The following XKR6 variants were observed in gnomAD, a reference collection of about 807,000 sequenced individuals.
XKR6 encodes the protein XK related 6.
Under a neutral mutation model 56.7 loss-of-function variants are expected in XKR6, and 22 were observed. That is an observed-to-expected ratio of 0.39 (90% confidence interval 0.28 to 0.55). The LOEUF (loss-of-function observed/expected upper bound fraction) is 0.55. Among genes scored for constraint, XKR6 ranks in the 20% least tolerant of loss-of-function variants. The pLI is 0.66. For synonymous variants in XKR6, 524 were observed against 387.8 expected, an observed-to-expected ratio of 1.35 and a Z score of -4.13; for missense variants, 852 against 889.0, an observed-to-expected ratio of 0.96 and a Z score of 0.53.
intron 1 of XKR6, among the ~76,000 whole-genome samples, chr8:11,178,560 A>ATATATATGTG (rs1802789934): frequency 7.1e-6 from 1 of 141,488 alleles, no homozygotes; most frequent in African/African-American, 2.6e-5. Context: ...ATATATATAT[A>ATATATATGTG]TATATATATA....
chr8:10,948,746 C>G (rs1312826708), intron 1 of XKR6, among the ~76,000 whole-genome samples: 1 of 152,228 alleles, frequency 6.6e-6, no homozygotes. Context: ...CGGCGTGTAG[C>G]TGTGGCTTAT....
intron 1 of XKR6, among the ~76,000 whole-genome samples, chr8:11,145,514 C>CTT (rs1800935266): frequency 6.6e-6 from 1 of 152,090 alleles, no homozygotes; most frequent in Admixed American, 6.5e-5. Context: ...GCAACTAAGA[C>CTT]TTAGCAAGAT....
rs118101608 is a variant in XKR6 at position 11,139,612 on chromosome 8, A to C, written c.764+60964T>G. On this transcript the variant is annotated intron_variant, in intron 1 of 2. Transcript: ENST00000416569. ...CTCCCGCTCCAAGCCAAGGCCTCAC[A>C]CTGAGGAGAAAGTGCTGGGACTGGA... Among the ~76,000 whole-genome samples the C allele has an allele frequency of 1.4e-3, 206 of 152,300 alleles. 4 individuals carry two copies. In the East Asian group the frequency reaches 0.025, roughly 18 times the overall value.
At chr8:11,089,715 T>A (rs2129172319) in intron 1 of XKR6, among the ~76,000 whole-genome samples, 1 of 152,306 alleles carries the variant, frequency 6.6e-6, no homozygotes, top group Middle Eastern at 3.4e-3. Context: ...GTACACCCAC[T>A]CAGCTTTGAC....
intron 1 of XKR6, among the ~76,000 whole-genome samples, chr8:11,180,055 T>C (rs1454639042): frequency 6.6e-6 from 1 of 151,902 alleles, no homozygotes; most frequent in African/African-American, 2.4e-5. Flanking sequence ...GGGAGAACTG[T>C]TTGAGCCTGG....
At chr8:11,084,319 C>G (rs1484466969) in intron 1 of XKR6, among the ~76,000 whole-genome samples, 1 of 152,180 alleles carries the variant, frequency 6.6e-6, no homozygotes, top group Non-Finnish European at 1.5e-5. Flanking sequence ...TTGCCACATA[C>G]GATTTCAGCC....
At chr8:11,026,118 G>A (rs1345102537) in intron 1 of XKR6, among the ~76,000 whole-genome samples, 3 of 152,124 alleles carry the variant, frequency 2.0e-5, no homozygotes, top group African/African-American at 7.2e-5. Context: ...CACAGAGTGA[G>A]TTACACATGC....
intron 1 of XKR6, among the ~76,000 whole-genome samples, chr8:11,119,153 T>A (rs1274335914): frequency 1.3e-5 from 2 of 152,122 alleles, no homozygotes; most frequent in African/African-American, 4.8e-5. Flanking sequence ...TTCTAGTTTG[T>A]TTGCACTGTG....
At chr8:10,956,123 C>T (rs1293790752) in intron 1 of XKR6, among the ~76,000 whole-genome samples, 1 of 152,170 alleles carries the variant, frequency 6.6e-6, no homozygotes, top group African/African-American at 2.4e-5. Context: ...CTTGCTGCTC[C>T]CCTTCACAGG....
intron 1 of XKR6, among the ~76,000 whole-genome samples, chr8:11,147,317 C>T (rs528776855): frequency 6.6e-6 from 1 of 152,136 alleles, no homozygotes; most frequent in South Asian, 2.1e-4. Flanking sequence ...TAATAAGAAG[C>T]CAAACAACTC....
At chr8:11,143,286 C>T (rs1800796901) in intron 1 of XKR6, among the ~76,000 whole-genome samples, 1 of 152,204 alleles carries the variant, frequency 6.6e-6, no homozygotes, top group Non-Finnish European at 1.5e-5. Context: ...AGTACTGTGC[C>T]TGTGAATAGC....
chr8:11,168,863 C>G (rs1802220004), intron 1 of XKR6, among the ~76,000 whole-genome samples: 1 of 152,206 alleles, frequency 6.6e-6, no homozygotes, highest in Non-Finnish European at 1.5e-5. Context: ...CTTTGTATAA[C>G]CAGTGGGCTT....
chr8:11,007,209 A>G (rs1481991806), intron 1 of XKR6, among the ~76,000 whole-genome samples: 3 of 152,206 alleles, frequency 2.0e-5, no homozygotes, highest in Non-Finnish European at 4.4e-5. Flanking sequence ...AGAGATAGGA[A>G]TTCAACATCC....
intron 2 of XKR6, among the ~76,000 whole-genome samples, chr8:10,906,102 A>T (rs1664049442): frequency 6.6e-6 from 1 of 151,962 alleles, no homozygotes; most frequent in African/African-American, 2.4e-5. Flanking sequence ...AGACTATTTC[A>T]CTCCCCAGAA....
intron 1 of XKR6, among the ~76,000 whole-genome samples, chr8:11,007,041 C>A (rs1338406010): frequency 6.6e-6 from 1 of 152,144 alleles, no homozygotes; most frequent in Non-Finnish European, 1.5e-5. Context: ...TACCAGTTGG[C>A]TTCTGATCAG....
chr8:10,909,129 G>A (rs1192891984), intron 2 of XKR6, among the ~76,000 whole-genome samples: 1 of 151,240 alleles, frequency 6.6e-6, no homozygotes, highest in Non-Finnish European at 1.5e-5. Flanking sequence ...TTGCGCCACT[G>A]CACTCCAGCC....
At chr8:10,971,148 A>G (rs563588251) in intron 1 of XKR6, among the ~76,000 whole-genome samples, 20 of 151,686 alleles carry the variant, frequency 1.3e-4, no homozygotes, top group East Asian at 9.8e-4. Context: ...AGCGCCGGGC[A>G]CGGTGGCTCA....
intron 1 of XKR6, among the ~76,000 whole-genome samples, chr8:11,057,169 C>A (rs1184880965): frequency 1.3e-5 from 2 of 152,170 alleles, no homozygotes; most frequent in African/African-American, 4.8e-5. Flanking sequence ...CTATTTGTCA[C>A]CCAAACTAAA....
chr8:11,047,472 C>A (rs538762460), intron 1 of XKR6, among the ~76,000 whole-genome samples: 1 of 152,322 alleles, frequency 6.6e-6, no homozygotes, highest in African/African-American at 2.4e-5. Flanking sequence ...ATATAAACTA[C>A]ATTTCAAATA....
Sources: allele counts gnomAD v4.1 joint callset (sites outside exome capture counted in the v4.1 genomes callset), GRCh38; gene constraint gnomAD v4.1.1; transcripts MANE v1.5; gene names NCBI Gene and HGNC (gene_info 2026-07-23, HGNC 2026-07-21).